Variants in CALN1 observed in about 807,000 individuals in gnomAD.
The protein encoded by CALN1 is calcium-binding protein 8.
A neutral mutation model predicts 30.6 loss-of-function variants in CALN1; 17 were observed. The observed-to-expected ratio is 0.56, with a 90% CI of 0.38 to 0.83. The LOEUF is 0.83. CALN1 is among the 40% of genes least tolerant of loss of function. CALN1 has a pLI of 0.00. For missense variants in CALN1, 291 were observed against 354.9 expected, an observed-to-expected ratio of 0.82 and a Z score of 1.45; for synonymous variants, 156 against 131.4, an observed-to-expected ratio of 1.19 and a Z score of -1.28.
intron 2 of CALN1, among the ~76,000 whole-genome samples, chr7:72,293,151 T>C (rs1288480930): frequency 6.6e-6 from 1 of 152,168 alleles, no homozygotes; most frequent in Non-Finnish European, 1.5e-5. Context: ...CAAGAGGATT[T>C]AAAACAGCTA....
rs984036502 is a variant in CALN1 at position 72,031,736 on chromosome 7, T to G, written c.389-7967A>C. On this transcript the variant is annotated intron_variant, in intron 4 of 6. Coordinates refer to ENST00000395275, the MANE Select transcript of CALN1 (RefSeq NM_031468.4). ...TTATGTGCCACCACGCCTGGCTAAT[T>G]TTTTTTTTTTTTTTTTTTTTTTTGA... Among the ~76,000 whole-genome samples the G allele has an allele frequency of 2.0e-3, 166 of 85,030 alleles. 3 individuals carry two copies. The highest frequency in any genetic ancestry group is 0.012 in the East Asian group (22 of 1,824). 55.8% of individuals were successfully genotyped at this position (85,030 alleles called of 152,430 possible).
At chr7:72,090,296 G>A (rs996034959) in intron 4 of CALN1, among the ~76,000 whole-genome samples, 4 of 152,024 alleles carry the variant, frequency 2.6e-5, no homozygotes, top group Admixed American at 1.3e-4. Flanking sequence ...AGCTCCATCC[G>A]AAAAAGAAAG....
chr7:71,817,002 G>A (rs1474619896), intron 5 of CALN1, among the ~76,000 whole-genome samples: 1 of 152,012 alleles, frequency 6.6e-6, no homozygotes, highest in Non-Finnish European at 1.5e-5. Context: ...GGAGATCTGG[G>A]TCATGTTTTA....
At chr7:72,378,539 T>A (rs1485241958) in intron 2 of CALN1, among the ~76,000 whole-genome samples, 1 of 152,160 alleles carries the variant, frequency 6.6e-6, no homozygotes, top group Non-Finnish European at 1.5e-5. Flanking sequence ...CACTCTCTAG[T>A]TAATCACTTC....
Position 72,030,685 on chromosome 7 carries a change from A to T in CALN1, c.389-6916T>A, listed in dbSNP as rs548135662. Among the ~76,000 whole-genome samples the T allele has an allele frequency of 2.9e-4, 44 of 152,298 alleles. No individual in the cohort carries two copies. In the East Asian group the frequency reaches 3.9e-3, roughly 13 times the overall value. ...TCCAGGAAACCTGATAATCATAATA[A>T]TATCTAACATTTACTGGGCACGCAC... On this transcript the variant is annotated intron_variant, in intron 4 of 6. Coordinates refer to ENST00000395275, the MANE Select transcript of CALN1 (RefSeq NM_031468.4).
intron 5 of CALN1, among the ~76,000 whole-genome samples, chr7:72,006,734 T>C (rs1189978414): frequency 1.3e-5 from 2 of 152,166 alleles, no homozygotes; most frequent in Admixed American, 1.3e-4. Context: ...TAATCATGGA[T>C]GCATAATGGA....
intron 3 of CALN1, among the ~76,000 whole-genome samples, chr7:72,242,550 T>C (rs2129551426): frequency 6.6e-6 from 1 of 152,256 alleles, no homozygotes; most frequent in South Asian, 2.1e-4. Context: ...TAAATGATCA[T>C]ACCTTCAGGG....
At position 71,968,883 on chromosome 7, in the gene CALN1, ATT is replaced by A. The variant is rs112347759; in HGVS notation, c.501+54772_501+54773del. On this transcript the variant is annotated intron_variant, in intron 5 of 6. Transcript: ENST00000395275. ...AACACAGCAAGACCACACCTCTACAATTTTTTTTTTTTTTAATTAGCCAGTTA... is the reference window on the plus strand; with the variant it reads ...AACACAGCAAGACCACACCTCTACAATTTTTTTTTTTTAATTAGCCAGTTA... Among the ~76,000 whole-genome samples the A allele has an allele frequency of 1.9e-3, 257 of 137,048 alleles. 4 individuals carry two copies. The East Asian group carries it at 0.046, about 24-fold the overall frequency. 89.9% of individuals were successfully genotyped at this position (137,048 alleles called of 152,430 possible).
intron 2 of CALN1, among the ~76,000 whole-genome samples, chr7:72,357,481 A>G (rs1803303085): frequency 6.6e-6 from 1 of 152,052 alleles, no homozygotes; most frequent in Admixed American, 6.5e-5. Flanking sequence ...AAGGTAGAGA[A>G]AAGTGTGTGC....
At chr7:72,299,597 C>A (rs1236045505) in intron 2 of CALN1, among the ~76,000 whole-genome samples, 1 of 151,128 alleles carries the variant, frequency 6.6e-6, no homozygotes, top group African/African-American at 2.4e-5. Flanking sequence ...ATTCACAAAA[C>A]TGGAAAGACA....
At chr7:72,098,650 C>G (rs935091492) in intron 4 of CALN1, among the ~76,000 whole-genome samples, 1 of 151,878 alleles carries the variant, frequency 6.6e-6, no homozygotes, top group Admixed American at 6.6e-5. Flanking sequence ...TGAGGCTGCA[C>G]TGATCAATGA....
chr7:72,313,689 G>A (rs1373846864), intron 2 of CALN1, among the ~76,000 whole-genome samples: 1 of 142,500 alleles, frequency 7.0e-6, no homozygotes, highest in East Asian at 2.2e-4. Context: ...GAGGCACCGT[G>A]CCCAGCCTGG....
chr7:72,032,721 G>A (rs142712381), intron 4 of CALN1, among the ~76,000 whole-genome samples: 1 of 152,108 alleles, frequency 6.6e-6, no homozygotes, highest in Non-Finnish European at 1.5e-5. Context: ...TCCTTAAATC[G>A]CCTCTTTGTC....
intron 5 of CALN1, among the ~76,000 whole-genome samples, chr7:71,933,996 G>C (rs1247283003): frequency 6.6e-6 from 1 of 152,110 alleles, no homozygotes; most frequent in African/African-American, 2.4e-5. Context: ...CTTCAGTCGG[G>C]GGCTGCCATA....
intron 4 of CALN1, among the ~76,000 whole-genome samples, chr7:72,099,209 G>A (rs2129540550): frequency 6.6e-6 from 1 of 152,058 alleles, no homozygotes; most frequent in East Asian, 1.9e-4. Context: ...AGATACTGGG[G>A]TGTACGGACC....
intron 5 of CALN1, among the ~76,000 whole-genome samples, chr7:71,921,803 T>C (rs778329652): frequency 3.3e-5 from 5 of 152,112 alleles, no homozygotes; most frequent in African/African-American, 1.2e-4. Context: ...TTGAAAACCC[T>C]TTCTCACTGT....
At chr7:72,261,514 T>A (rs1796272812) in intron 3 of CALN1, among the ~76,000 whole-genome samples, 1 of 151,698 alleles carries the variant, frequency 6.6e-6, no homozygotes, top group Non-Finnish European at 1.5e-5. Flanking sequence ...AGCCTCAAAG[T>A]CCTGGGCTTA....
chr7:71,836,622 C>CTTTTTT (rs756689224), intron 5 of CALN1, among the ~76,000 whole-genome samples: 1 of 132,624 alleles, frequency 7.5e-6, no homozygotes, highest in African/African-American at 2.8e-5. Context: ...CTCTCTGTCT[C>CTTTTTT]TTTTTTTTTT....
intron 5 of CALN1, among the ~76,000 whole-genome samples, chr7:71,920,532 T>A (rs975228666): frequency 6.6e-6 from 1 of 152,028 alleles, no homozygotes; most frequent in Non-Finnish European, 1.5e-5. Context: ...AGATGGGGTT[T>A]CACCGTGTTA....
Sources: gnomAD v4.1 joint callset for allele counts (sites outside exome capture counted in the v4.1 genomes callset) on GRCh38, gnomAD v4.1.1 for gene constraint, MANE v1.5 for transcripts, NCBI Gene and HGNC (gene_info 2026-07-23, HGNC 2026-07-21) for gene names.